INPP4B: variants seen among roughly 807,000 people sequenced by gnomAD.
The protein encoded by INPP4B is inositol polyphosphate-4-phosphatase type II B.
In INPP4B, 55 loss-of-function variants were observed where a neutral mutation model predicts 122.5. The observed-to-expected ratio is 0.45, with a 90% CI of 0.36 to 0.56. INPP4B has a LOEUF of 0.56. Ranked by LOEUF, INPP4B falls within the 20% of genes least tolerant of loss-of-function variation. The pLI, the probability that INPP4B is intolerant of heterozygous loss-of-function variation, is 0.00. For missense variants in INPP4B, 1,000 were observed against 1,097.7 expected (o/e 0.91, Z 1.26); for synonymous variants, 403 against 388.7 (o/e 1.04, Z -0.43).
chr4:142,170,223 A>G (rs1472976154), intron 16 of INPP4B, among the ~76,000 whole-genome samples: 1 of 151,728 alleles, frequency 6.6e-6, no homozygotes, highest in Non-Finnish European at 1.5e-5. Context: ...TTCTTACACC[A>G]TAAGATTATA....
intron 18 of INPP4B, among the ~76,000 whole-genome samples, chr4:142,138,627 C>G (rs1039474525): frequency 3.3e-5 from 5 of 152,102 alleles, no homozygotes; most frequent in African/African-American, 9.7e-5. Flanking sequence ...AATTTGAATC[C>G]TTGCTTGGAT....
chr4:142,541,517 A>G (rs1355326168), intron 2 of INPP4B, among the ~76,000 whole-genome samples: 1 of 112,252 alleles, frequency 8.9e-6, no homozygotes, highest in Non-Finnish European at 2.4e-5. Flanking sequence ...AAGACTAGGC[A>G]CTTTTTTTCT....
chr4:142,137,066 C>T (rs891224867), intron 18 of INPP4B, among the ~76,000 whole-genome samples: 7 of 152,106 alleles, frequency 4.6e-5, no homozygotes, highest in East Asian at 1.9e-4. Context: ...AAAAAGAGCT[C>T]GCATCGTCAA....
chr4:142,302,431 T>G (rs948084836), intron 9 of INPP4B, among the ~76,000 whole-genome samples: 2 of 152,190 alleles, frequency 1.3e-5, no homozygotes, highest in Non-Finnish European at 2.9e-5. Context: ...ATGTCGGTCA[T>G]TAAAATCATG....
At chr4:142,736,175 T>G (rs1268097347) in intron 1 of INPP4B, among the ~76,000 whole-genome samples, 1 of 152,120 alleles carries the variant, frequency 6.6e-6, no homozygotes, top group Non-Finnish European at 1.5e-5. Context: ...GTCAGATTCT[T>G]CATTTCAACA....
rs867232314 is a variant in INPP4B at position 142,144,249 on chromosome 4, A to G, written c.1720+1591T>C. On this transcript the variant is annotated intron_variant, in intron 18 of 25. Transcript: ENST00000262992. ...CACACACACACACACACACACACAC[A>G]CACACACACACACACACTGTATAAT... Among the ~76,000 whole-genome samples the G allele has an allele frequency of 8.4e-3, 1,266 of 151,604 alleles. 15 individuals carry two copies. Among genetic ancestry groups the G allele is most frequent in the Middle Eastern group, 0.024 (7 of 294 alleles).
At chr4:142,736,948 C>A (rs527417773) in intron 1 of INPP4B, among the ~76,000 whole-genome samples, 3 of 151,708 alleles carry the variant, frequency 2.0e-5, no homozygotes, top group Non-Finnish European at 4.4e-5. Context: ...TCATAGATAG[C>A]TCGAAATAAA....
At chr4:142,453,423 C>T (rs943670179) in intron 3 of INPP4B, among the ~76,000 whole-genome samples, 4 of 152,024 alleles carry the variant, frequency 2.6e-5, no homozygotes, top group South Asian at 4.2e-4. Context: ...ACTAAATTGT[C>T]TATAGTTTCT....
At chr4:142,315,406 C>T (rs1271699348) in intron 7 of INPP4B, among the ~76,000 whole-genome samples, 2 of 151,950 alleles carry the variant, frequency 1.3e-5, no homozygotes, top group South Asian at 2.1e-4. Context: ...GTCAAAGAAC[C>T]GGTTATCTGG....
chr4:142,628,197 G>A lies in INPP4B; in HGVS notation c.-191+97642C>T, dbSNP rs1344242093. Among the ~76,000 whole-genome samples, 11 of 149,380 alleles carry A rather than the reference G, an allele frequency of 7.4e-5. No individual in the cohort carries two copies. The East Asian group carries it at 2.2e-3, about 29-fold the overall frequency. On this transcript the variant is annotated intron_variant, in intron 2 of 25. Coordinates refer to ENST00000262992, the MANE Select transcript of INPP4B (RefSeq NM_001101669.3). ...CAATGATAGATTGGATTAAGAAAAT[G>A]TGGCACATATACACCATGGAATACT... is the stretch of plus-strand genomic sequence containing the variant.
intron 2 of INPP4B, among the ~76,000 whole-genome samples, chr4:142,610,938 C>T (rs1742362940): frequency 6.6e-6 from 1 of 152,118 alleles, no homozygotes; most frequent in Non-Finnish European, 1.5e-5. Flanking sequence ...TGGACCACCA[C>T]AAAATATGTA....
intron 2 of INPP4B, among the ~76,000 whole-genome samples, chr4:142,688,554 A>T (rs529630660): frequency 6.2e-4 from 94 of 152,234 alleles, no homozygotes; most frequent in African/African-American, 2.2e-3. Flanking sequence ...GAAAATTATG[A>T]GTGTAAAAGA....
chr4:142,408,210 TG>T (rs1446722857), intron 5 of INPP4B, among the ~76,000 whole-genome samples: 1 of 151,848 alleles, frequency 6.6e-6, no homozygotes, highest in Non-Finnish European at 1.5e-5. Context: ...CTAATCCGTA[TG>T]AGAATTATTT....
chr4:142,492,676 T>C (rs1282454243), intron 2 of INPP4B, among the ~76,000 whole-genome samples: 1 of 152,012 alleles, frequency 6.6e-6, no homozygotes, highest in Non-Finnish European at 1.5e-5. Context: ...GAGAGATAAT[T>C]TAGGGTATCT....
chr4:142,406,108 G>A (rs1219277856), intron 5 of INPP4B, among the ~76,000 whole-genome samples: 1 of 152,098 alleles, frequency 6.6e-6, no homozygotes, highest in African/African-American at 2.4e-5. Flanking sequence ...AGTCTGAATC[G>A]ACTTTCCTCT....
chr4:142,630,467 G>A (rs1224604466), intron 2 of INPP4B, among the ~76,000 whole-genome samples: 1 of 151,988 alleles, frequency 6.6e-6, no homozygotes, highest in African/African-American at 2.4e-5. Flanking sequence ...TAGCATTCAG[G>A]TTTTTAACAT....
chr4:142,503,354 A>T (rs951968359), intron 2 of INPP4B, among the ~76,000 whole-genome samples: 1 of 152,158 alleles, frequency 6.6e-6, no homozygotes, highest in African/African-American at 2.4e-5. Context: ...AATATTTTTT[A>T]AAAAGCCTTT....
At chr4:142,327,767 C>T (rs1231735144) in intron 7 of INPP4B, among the ~76,000 whole-genome samples, 1 of 152,154 alleles carries the variant, frequency 6.6e-6, no homozygotes, top group Non-Finnish European at 1.5e-5. Flanking sequence ...CAAAACAACC[C>T]TGTGAGAAAA....
At chr4:142,732,951 TACAAAG>T (rs1207981286) in intron 1 of INPP4B, among the ~76,000 whole-genome samples, 4 of 152,100 alleles carry the variant, frequency 2.6e-5, no homozygotes, top group African/African-American at 9.7e-5. Flanking sequence ...CAGTAACTGG[TACAAAG>T]ACAGACAAAT....
Sources: gnomAD v4.1 joint callset for allele counts (sites outside exome capture counted in the v4.1 genomes callset) on GRCh38, gnomAD v4.1.1 for gene constraint, MANE v1.5 for transcripts, NCBI Gene and HGNC (gene_info 2026-07-23, HGNC 2026-07-21) for gene names.